TMBIM1: variants seen among roughly 807,000 people sequenced by gnomAD.
The protein encoded by TMBIM1 is transmembrane BAX inhibitor motif containing 1.
TMBIM1 carries 34 observed loss-of-function variants against 45.1 expected under a neutral mutation model. The observed-to-expected ratio is 0.75, with a 90% CI of 0.57 to 1.00. TMBIM1 has a LOEUF of 1.00. Ranked by LOEUF, TMBIM1 falls within the 50% of genes least tolerant of loss-of-function variation. The pLI, the probability that TMBIM1 is intolerant of heterozygous loss-of-function variation, is 0.00. For missense variants in TMBIM1, 374 were observed against 402.4 expected, an observed-to-expected ratio of 0.93 and a Z score of 0.60; for synonymous variants, 157 against 153.5, an observed-to-expected ratio of 1.02 and a Z score of -0.17.
At chr2:218,292,152 T>C (rs1217733871) in intron 1 of TMBIM1, among the ~76,000 whole-genome samples, 3 of 152,190 alleles carry the variant, frequency 2.0e-5, no homozygotes, top group Non-Finnish European at 4.4e-5. Context: ...AGGCCACTCG[T>C]GCCCGAAAGA....
chr2:218,275,900 A>T, intron 11 of TMBIM1, 126 bp downstream of exon 11: 1 of 1,156,812 alleles, frequency 8.6e-7, no homozygotes, highest in Non-Finnish European at 1.2e-6. Flanking sequence ...TCTGGACAGT[A>T]GTGAGAGGAA....
chr2:218,279,096 G>A lies in TMBIM1; in HGVS notation c.369-5C>T. The A allele has an allele frequency of 6.2e-7, 1 of 1,614,086 alleles. No individual in the cohort carries two copies. The highest frequency in any genetic ancestry group is 1.1e-5 in the South Asian group (1 of 91,082). On this transcript the variant is annotated splice_region_variant and splice_polypyrimidine_tract_variant and intron_variant, in intron 4 of 11. Transcript: ENST00000258412. ...ACAAAGGCGCTGACAGGTTCCCTGTGGGGCACAGGAGGACAGGAGTAGTCA... is the reference window on the plus strand; with the variant it reads ...ACAAAGGCGCTGACAGGTTCCCTGTAGGGCACAGGAGGACAGGAGTAGTCA...
At chr2:218,283,025 ATGTTC>A (rs1692191907) in intron 1 of TMBIM1, among the ~76,000 whole-genome samples, 1 of 152,116 alleles carries the variant, frequency 6.6e-6, no homozygotes, top group South Asian at 2.1e-4. Context: ...GGGGAGACAG[ATGTTC>A]TGAATCCCAG....
chr2:218,289,805 T>C (rs1443904994), intron 1 of TMBIM1, among the ~76,000 whole-genome samples: 2 of 152,048 alleles, frequency 1.3e-5, no homozygotes, highest in African/African-American at 4.8e-5. Flanking sequence ...CAGAAGTACA[T>C]GGCATGTTCT....
intron 10 of TMBIM1, 111 bp from the exon 11 acceptor site, chr2:218,276,190 T>A: frequency 8.7e-7 from 1 of 1,150,596 alleles, no homozygotes; most frequent in Non-Finnish European, 1.3e-6. Context: ...GCTGGGAAGC[T>A]AGCTCTCCAT....
intron 11 of TMBIM1, 133 bp from the exon 12 acceptor site, chr2:218,275,754 A>T: frequency 8.9e-7 from 1 of 1,124,546 alleles, no homozygotes; most frequent in Non-Finnish European, 1.3e-6. Context: ...AGCATAACAT[A>T]TGGGCTCTAT....
chr2:218,279,148 G>C, intron 4 of TMBIM1, 57 bp from the exon 5 acceptor site: 2 of 1,608,024 alleles, frequency 1.2e-6, no homozygotes, highest in Non-Finnish European at 1.7e-6. Context: ...CCCCACCCAG[G>C]CCAGCCAGGC....
chr2:218,279,988 G>A, intron 3 of TMBIM1, 38 bp downstream of exon 3: 6 of 1,570,276 alleles, frequency 3.8e-6, no homozygotes, highest in Non-Finnish European at 5.3e-6. Context: ...ACAGCCTGAG[G>A]GGCCCCAGGT....
rs970213430 is a variant in TMBIM1 at position 218,283,451 on chromosome 2, G to A, written c.-40-1270C>T. Among the ~76,000 whole-genome samples the A allele has an allele frequency of 2.6e-5, 4 of 152,312 alleles. No homozygotes were observed. The East Asian group carries it at 7.7e-4, about 29-fold the overall frequency. ...AGGTAGCAGAGATGCAGGCTTAGGA[G>A]GAGCTAAGGAAGCCCCTAGAGGGCC... is the stretch of plus-strand genomic sequence containing the variant. On this transcript the variant is annotated intron_variant, in intron 1 of 11. Coordinates refer to ENST00000258412, the MANE Select transcript of TMBIM1 (RefSeq NM_022152.6).
chr2:218,280,291 A>T, intron 2 of TMBIM1, 165 bp from the exon 3 acceptor site: 2 of 589,628 alleles, frequency 3.4e-6, no homozygotes, highest in Non-Finnish European at 6.1e-6. Context: ...CCTCAGAGTG[A>T]CCCAGAGCCG....
intron 1 of TMBIM1, among the ~76,000 whole-genome samples, chr2:218,282,492 G>A (rs1559506544): frequency 6.6e-6 from 1 of 152,246 alleles, no homozygotes; most frequent in Non-Finnish European, 1.5e-5. Context: ...CCCTGTTGTG[G>A]TTTAAGAAAA....
intron 4 of TMBIM1, 39 bp from the exon 5 acceptor site, chr2:218,279,130 C>T (rs369647330): frequency 1.7e-5 from 28 of 1,613,040 alleles, no homozygotes; most frequent in Non-Finnish European, 2.2e-5. Context: ...CACCCTGAGG[C>T]TTGTCTGCCC....
intron 1 of TMBIM1, among the ~76,000 whole-genome samples, chr2:218,284,600 T>C (rs1477864200): frequency 6.6e-6 from 1 of 152,220 alleles, no homozygotes; most frequent in Non-Finnish European, 1.5e-5. Context: ...TTCAGAAGCA[T>C]GTGCTAGTAG....
chr2:218,290,257 C>T (rs954239148), intron 1 of TMBIM1, among the ~76,000 whole-genome samples: 1 of 152,184 alleles, frequency 6.6e-6, no homozygotes, highest in South Asian at 2.1e-4. Context: ...AGTAAGCAAC[C>T]CTGTTCAGCT....
intron 4 of TMBIM1, 52 bp downstream of exon 4, chr2:218,279,237 G>A (rs1691595675): frequency 6.4e-7 from 1 of 1,560,158 alleles, no homozygotes; most frequent in Non-Finnish European, 8.7e-7. Flanking sequence ...CCCAGCAGGT[G>A]ACCCTGAACC....
intron 7 of TMBIM1, 40 bp from the exon 8 acceptor site, chr2:218,277,710 G>A: frequency 6.2e-7 from 1 of 1,613,536 alleles, no homozygotes. Context: ...CACTTAAAAA[G>A]GAAGGAAGGC....
In TMBIM1 at chr2:218,280,143, C is replaced by T. The variant is rs754221222; in HGVS notation, c.203-17G>A. 6.3e-7 allele frequency: 1 copy of T among 1,585,878 alleles called. No individual in the cohort carries two copies. On this transcript the variant is annotated splice_polypyrimidine_tract_variant and intron_variant, in intron 2 of 11. Transcript: ENST00000258412. ...GGCCTGGGCCTAGGGACAGATGACA[C>T]TTGACTCAGCTGGGGACCTGAGACA...
At chr2:218,287,571 G>GTGATATCCCACACC (rs1325489224) in intron 1 of TMBIM1, among the ~76,000 whole-genome samples, 1 of 152,252 alleles carries the variant, frequency 6.6e-6, no homozygotes, top group East Asian at 1.9e-4. Flanking sequence ...TTAGCTGGGC[G>GTGATATCCCACACC]TGATATCCCA....
At chr2:218,283,921 C>T (rs535721867) in intron 1 of TMBIM1, 9 of 152,320 alleles carry the variant, frequency 5.9e-5, no homozygotes, top group African/African-American at 2.2e-4. Context: ...AATCCCAGCA[C>T]TTTAGAAGAC....
Sources: gnomAD v4.1 joint callset for allele counts (sites outside exome capture counted in the v4.1 genomes callset) on GRCh38, gnomAD v4.1.1 for gene constraint, MANE v1.5 for transcripts, NCBI Gene and HGNC (gene_info 2026-07-23, HGNC 2026-07-21) for gene names.